Variants in PRR14L observed in about 807,000 individuals in gnomAD.
PRR14L encodes protein PRR14L.
PRR14L carries 80 observed loss-of-function variants against 155.0 expected under a neutral mutation model. That is an observed-to-expected ratio of 0.52 (90% CI 0.43 to 0.62). The LOEUF is 0.62. Among genes scored for constraint, PRR14L ranks in the 20% least tolerant of loss-of-function variants. The probability of loss-of-function intolerance (pLI) is 0.00; values close to 1 mark genes in which losing one functional copy is unlikely to be tolerated. For synonymous variants in PRR14L, 883 were observed against 916.0 expected, an observed-to-expected ratio of 0.96 and a Z score of 0.65; for missense variants, 2,469 against 2,548.0, an observed-to-expected ratio of 0.97 and a Z score of 0.67.
At chr22:31,735,235 C>G (rs956270217) in intron 2 of PRR14L, among the ~76,000 whole-genome samples, 6 of 151,982 alleles carry the variant, frequency 3.9e-5, no homozygotes, top group African/African-American at 1.5e-4. Flanking sequence ...GTCAGGAGAT[C>G]GAGACCATCC....
chr22:31,693,946 T>A (rs2147853813), intron 7 of PRR14L, among the ~76,000 whole-genome samples: 1 of 152,324 alleles, frequency 6.6e-6, no homozygotes, highest in Non-Finnish European at 1.5e-5. Flanking sequence ...GCTTCATTAT[T>A]CATATTTTCA....
intron 3 of PRR14L, among the ~76,000 whole-genome samples, chr22:31,718,466 G>A (rs1186182365): frequency 6.6e-6 from 1 of 150,744 alleles, no homozygotes; most frequent in Non-Finnish European, 1.5e-5. Flanking sequence ...CACCATGTTA[G>A]GATGGTCTTG....
intron 2 of PRR14L, among the ~76,000 whole-genome samples, chr22:31,729,462 C>G (rs1209599046): frequency 6.6e-6 from 1 of 152,154 alleles, no homozygotes; most frequent in Non-Finnish European, 1.5e-5. Flanking sequence ...GATGATCTGC[C>G]CACCTTGGCC....
In PRR14L at chr22:31,685,773, C is replaced by T; in HGVS notation, c.6210G>A (p.Lys2070=). Residue 2070 remains lysine (K), a synonymous_variant, in exon 9 of 9, where the codon AAG becomes AAA. Coordinates refer to ENST00000327423, the MANE Select transcript of PRR14L (RefSeq NM_173566.3). ...RCLETIFEEP[K]ERNGTLISIS... is the part of the protein sequence containing the mutation. ...TTGAGATTAGTGTACCATTTCGTTC[C>T]TTGGGTTCCTCAAAGATGGTCTCTA... The T allele has an allele frequency of 6.4e-7, 1 of 1,551,622 alleles. No homozygotes were observed. Among genetic ancestry groups the T allele is most frequent in the African/African-American group, 1.4e-5 (1 of 73,134 alleles).
intron 7 of PRR14L, among the ~76,000 whole-genome samples, chr22:31,698,917 G>GT (rs1906136021): frequency 6.7e-6 from 1 of 149,154 alleles, no homozygotes; most frequent in African/African-American, 2.5e-5. Flanking sequence ...GCGAGACTGT[G>GT]TAAAAAAAAA....
chr22:31,693,948 A>G (rs1286646209), intron 7 of PRR14L, among the ~76,000 whole-genome samples: 1 of 152,196 alleles, frequency 6.6e-6, no homozygotes, highest in Non-Finnish European at 1.5e-5. Flanking sequence ...TTCATTATTC[A>G]TATTTTCAAC....
At chr22:31,724,428 T>G (rs1019376001) in intron 3 of PRR14L, among the ~76,000 whole-genome samples, 21 of 152,134 alleles carry the variant, frequency 1.4e-4, no homozygotes, top group Non-Finnish European at 3.1e-4. Flanking sequence ...TGAGACAGGG[T>G]CTTGCTCTGT....
At chr22:31,686,399 C>T (rs945615497) in intron 8 of PRR14L, among the ~76,000 whole-genome samples, 1 of 151,564 alleles carries the variant, frequency 6.6e-6, no homozygotes, top group African/African-American at 2.4e-5. Context: ...AGCCACTGCA[C>T]CCAGCCCTGA....
intron 7 of PRR14L, among the ~76,000 whole-genome samples, chr22:31,690,044 G>A (rs1194954346): frequency 1.3e-5 from 2 of 152,168 alleles, no homozygotes; most frequent in African/African-American, 4.8e-5. Context: ...AGCCTCCCGA[G>A]TAGCTGGGAC....
intron 3 of PRR14L, among the ~76,000 whole-genome samples, chr22:31,720,643 G>A (rs184684783): frequency 2.4e-4 from 36 of 152,322 alleles, no homozygotes; most frequent in African/African-American, 7.9e-4. Context: ...GCTGAGGCAG[G>A]ACAATCGCTT....
At chr22:31,704,776 C>G (rs967694102) in intron 4 of PRR14L, 50 bp from the exon 5 acceptor site, 1 of 1,444,860 alleles carries the variant, frequency 6.9e-7, no homozygotes, top group East Asian at 2.3e-5. Context: ...AGTGGGATAA[C>G]AGGAAAGGTT....
intron 1 of PRR14L, among the ~76,000 whole-genome samples, chr22:31,749,719 G>A (rs1397602480): frequency 6.6e-6 from 1 of 152,192 alleles, no homozygotes; most frequent in Non-Finnish European, 1.5e-5. Flanking sequence ...GATAAGTTGG[G>A]GGATCCCTGT....
At chr22:31,705,033 G>A (rs1274231573) in intron 4 of PRR14L, among the ~76,000 whole-genome samples, 1 of 152,180 alleles carries the variant, frequency 6.6e-6, no homozygotes, top group Non-Finnish European at 1.5e-5. Context: ...GCTGAGGTGG[G>A]CAGATCGCTT....
At chr22:31,691,651 G>C (rs1471457276) in intron 7 of PRR14L, among the ~76,000 whole-genome samples, 2 of 152,160 alleles carry the variant, frequency 1.3e-5, no homozygotes, top group Non-Finnish European at 2.9e-5. Flanking sequence ...CATATAAAAT[G>C]AATCATATAG....
intron 1 of PRR14L, among the ~76,000 whole-genome samples, chr22:31,742,695 C>T (rs1387522848): frequency 6.6e-6 from 1 of 152,002 alleles, no homozygotes; most frequent in Non-Finnish European, 1.5e-5. Context: ...CACAGAGTTA[C>T]CATAGGATTC....
In PRR14L at chr22:31,739,034, G is replaced by A. The variant is rs549386879; in HGVS notation, c.-51-123C>T. 7.6e-6 allele frequency: 4 copies of A among 525,314 alleles called. No homozygotes were observed. In the East Asian group the frequency reaches 1.2e-4, roughly 15 times the overall value. 32.5% of individuals were successfully genotyped at this position (525,314 alleles called of 1,614,324 possible). ...CTACTTTAAATGCCAGCATTATCTG[G>A]CACCAAAAATTTCTCCTTAATGAAT... On this transcript the variant is annotated intron_variant, in intron 1 of 8. Transcript: ENST00000327423.
intron 2 of PRR14L, among the ~76,000 whole-genome samples, chr22:31,736,245 G>T (rs2074780853): frequency 6.6e-6 from 1 of 151,354 alleles, no homozygotes; most frequent in Non-Finnish European, 1.5e-5. Context: ...AATTAGCCGG[G>T]TGTGGAGGCA....
Position 31,715,375 on chromosome 22 carries a change from T to C in PRR14L, c.2464A>G (p.Thr822Ala). ...ISLQVDNSLI[T>A]KYENAFQHRD... ...TGCTGAAATGCATTTTCATATTTTG[T>C]TATCAAAGAGTTATCAACTTGCAGG... The change falls in exon 4 of 9, where the codon ACA (threonine) becomes GCA (alanine). Residue 822 changes from threonine (T) to alanine (A), a missense_variant. By Grantham distance (58) the Thr-to-Ala change is moderately conservative. Around this residue, in one of 2 missense-constraint regions of PRR14L, gnomAD observed 2,363 missense variants for 2,371.6 expected, o/e 1.00. Coordinates refer to ENST00000327423, the MANE Select transcript of PRR14L (RefSeq NM_173566.3). 1.4e-5 allele frequency: 22 copies of C among 1,552,204 alleles called. No homozygotes were observed. The highest frequency in any genetic ancestry group is 1.8e-5 in the Non-Finnish European group (21 of 1,147,108).
chr22:31,715,739 G>A lies in PRR14L; in HGVS notation c.2100C>T (p.Val700=). 6.4e-7 allele frequency: 1 copy of A among 1,552,112 alleles called. No individual in the cohort carries two copies. Among genetic ancestry groups the A allele is most frequent in the Non-Finnish European group, 8.7e-7 (1 of 1,147,038 alleles). The part of the protein sequence containing the change: ...HHPPLEGRAD[V]IADIQTIPIQ... ...TGGGAATGGTTTGTATATCAGCAAT[G>A]ACATCTGCTCTACCCTCTAATGGAG... Residue 700 remains valine, a synonymous_variant, in exon 4 of 9, where the codon GTC becomes GTT. Transcript: ENST00000327423.
Sources: gnomAD v4.1 joint callset for allele counts (sites outside exome capture counted in the v4.1 genomes callset) on GRCh38, gnomAD v4.1.1 for gene constraint, gnomAD v4.1.1 regional missense constraint, MANE v1.5 for transcripts, NCBI Gene and HGNC (gene_info 2026-07-23, HGNC 2026-07-21) for gene names.